The following EPB41L4B variants were observed in gnomAD, a reference collection of about 807,000 sequenced individuals.
EPB41L4B encodes the protein band 4.1-like protein 4B.
In EPB41L4B, 30 loss-of-function variants were observed where a neutral mutation model predicts 112.5. The observed-to-expected ratio is 0.27, with a 90% CI of 0.20 to 0.36. The LOEUF is 0.36. EPB41L4B is among the 10% of genes least tolerant of loss of function. The probability of loss-of-function intolerance (pLI) is 1.00; values close to 1 mark genes in which losing one functional copy is unlikely to be tolerated. For missense variants in EPB41L4B, 1,024 were observed against 1,133.3 expected, an observed-to-expected ratio of 0.90 and a Z score of 1.38; for synonymous variants, 408 against 439.7, an observed-to-expected ratio of 0.93 and a Z score of 0.90.
At chr9:109,249,198 A>G (rs953233045) in intron 13 of EPB41L4B, among the ~76,000 whole-genome samples, 2 of 151,978 alleles carry the variant, frequency 1.3e-5, no homozygotes, top group Non-Finnish European at 2.9e-5. Flanking sequence ...TCATTGTTAT[A>G]AGTCTTGCTT....
chr9:109,310,614 G>A (rs907238196), intron 1 of EPB41L4B, among the ~76,000 whole-genome samples: 3 of 152,312 alleles, frequency 2.0e-5, no homozygotes, highest in South Asian at 2.1e-4. Context: ...ACCCCCAAAC[G>A]AAGCCCAGAC....
intron 1 of EPB41L4B, among the ~76,000 whole-genome samples, chr9:109,303,083 A>T (rs535506063): frequency 5.5e-4 from 80 of 145,646 alleles, no homozygotes; most frequent in African/African-American, 1.8e-3. Flanking sequence ...CCCATCTCTA[A>T]AAAAAAAAAA....
At chr9:109,319,624 C>A (rs1837768773) in intron 1 of EPB41L4B, among the ~76,000 whole-genome samples, 1 of 152,240 alleles carries the variant, frequency 6.6e-6, no homozygotes, top group Non-Finnish European at 1.5e-5. Flanking sequence ...AAACTTGGGG[C>A]GCCTGCCGAG....
At chr9:109,287,542 C>T (rs1236734872) in intron 1 of EPB41L4B, among the ~76,000 whole-genome samples, 1 of 152,220 alleles carries the variant, frequency 6.6e-6, no homozygotes, top group African/African-American at 2.4e-5. Context: ...ATTGCAAAAG[C>T]ACGGTGCCTA....
At chr9:109,247,523 TAAGAAAAACAGGC>T (rs1168361859) in intron 14 of EPB41L4B, among the ~76,000 whole-genome samples, 1 of 152,092 alleles carries the variant, frequency 6.6e-6, no homozygotes, top group Non-Finnish European at 1.5e-5. Flanking sequence ...TTGACAAGGT[TAAGAAAAACAGGC>T]AGTTCAGATG....
chr9:109,246,731 C>T (rs1279156937), intron 14 of EPB41L4B, among the ~76,000 whole-genome samples: 4 of 152,244 alleles, frequency 2.6e-5, no homozygotes, highest in African/African-American at 9.6e-5. Context: ...GTAAACCACA[C>T]CTTCCATGTT....
chr9:109,200,728 A>G (rs1451683983), intron 19 of EPB41L4B, among the ~76,000 whole-genome samples: 6 of 152,194 alleles, frequency 3.9e-5, no homozygotes, highest in African/African-American at 1.4e-4. Context: ...TTTAATTCCA[A>G]GTAATCTGGT....
chr9:109,280,859 A>C (rs1836007173), intron 1 of EPB41L4B, among the ~76,000 whole-genome samples: 1 of 152,162 alleles, frequency 6.6e-6, no homozygotes, highest in Non-Finnish European at 1.5e-5. Context: ...CTTATTATGG[A>C]AACTGGTAAA....
chr9:109,226,740 AAT>A (rs1388882235), intron 15 of EPB41L4B, among the ~76,000 whole-genome samples: 95 of 101,736 alleles, frequency 9.3e-4, no homozygotes, highest in Middle Eastern at 4.6e-3. Flanking sequence ...ATATATGAAG[AAT>A]ATATATATGA....
At chr9:109,236,388 T>C (rs1268926274) in intron 15 of EPB41L4B, among the ~76,000 whole-genome samples, 2 of 151,850 alleles carry the variant, frequency 1.3e-5, no homozygotes, top group East Asian at 1.9e-4. Context: ...TTATGATGTG[T>C]CCATCCATTG....
intron 24 of EPB41L4B, 141 bp from the exon 25 acceptor site, chr9:109,176,837 A>G: frequency 1.1e-6 from 1 of 950,706 alleles, no homozygotes; most frequent in Non-Finnish European, 1.6e-6. Flanking sequence ...AAGTGATTTT[A>G]CTTTGTGCCA....
intron 25 of EPB41L4B, among the ~76,000 whole-genome samples, chr9:109,175,538 T>G (rs1325769809): frequency 6.7e-6 from 1 of 149,498 alleles, no homozygotes. Context: ...CTTTTCATTG[T>G]TTTTAGTTAG....
rs201132051 is a variant in EPB41L4B at position 109,281,683 on chromosome 9, CATAAATAA to C, written c.307-1770_307-1763del. On this transcript the variant is annotated intron_variant, in intron 1 of 25. Coordinates refer to ENST00000374566, the MANE Select transcript of EPB41L4B (RefSeq NM_019114.5). ...TCGGCGGTAGAGCGAGACTCCGTCT[CATAAATAA>C]ATAAATAAATAAATAAATAAATAAA... 9.3e-3 allele frequency among the ~76,000 whole-genome samples: 1,288 copies of C among 138,604 alleles called. 13 individuals are homozygous for C. The highest frequency in any genetic ancestry group is 0.022 in the African/African-American group (794 of 36,134). 90.9% of individuals were successfully genotyped at this position (138,604 alleles called of 152,430 possible). A position where few individuals can be genotyped will look rare whatever the true frequency, so the allele number is the denominator to read the frequency against.
At chr9:109,279,699 A>T in intron 2 of EPB41L4B, 118 bp downstream of exon 2, 1 of 831,656 alleles carries the variant, frequency 1.2e-6, no homozygotes, top group Non-Finnish European at 1.9e-6. Context: ...AATGCCTGTT[A>T]CTGGCACAGT....
At chr9:109,251,438 C>A (rs775682564) in intron 13 of EPB41L4B, 43 bp downstream of exon 13, 2 of 1,584,378 alleles carry the variant, frequency 1.3e-6, no homozygotes, top group East Asian at 2.2e-5. Flanking sequence ...TAAATACGAT[C>A]CTTAGAGAGG....
intron 2 of EPB41L4B, 123 bp downstream of exon 2, chr9:109,279,694 C>T: frequency 2.5e-6 from 2 of 794,782 alleles, no homozygotes; most frequent in East Asian, 2.6e-5. Flanking sequence ...ATCCCAATGC[C>T]TGTTACTGGC....
At chr9:109,200,693 AAG>A (rs939338434) in intron 19 of EPB41L4B, among the ~76,000 whole-genome samples, 1 of 152,230 alleles carries the variant, frequency 6.6e-6, no homozygotes, top group Admixed American at 6.5e-5. Flanking sequence ...CAGTAAAATG[AAG>A]AGAAACCTAT....
At chr9:109,285,929 T>A (rs187736726) in intron 1 of EPB41L4B, among the ~76,000 whole-genome samples, 3 of 152,276 alleles carry the variant, frequency 2.0e-5, no homozygotes, top group African/African-American at 7.2e-5. Context: ...TAAGCAGGTG[T>A]GTGCCTTAAG....
rs377647101 is a variant in EPB41L4B, at chr9:109,256,542, G to A, written c.753-62C>T. The A allele has an allele frequency of 1.2e-3, 1,782 of 1,429,018 alleles. 32 individuals carry two copies. The South Asian group carries it at 0.02, about 16-fold the overall frequency. The allele number at this position is 1,429,018 out of a possible 1,614,324, so 88.5% of individuals were successfully genotyped here. On this transcript the variant is annotated intron_variant, in intron 7 of 25. Coordinates refer to ENST00000374566, the MANE Select transcript of EPB41L4B (RefSeq NM_019114.5). ...CTCGTAAGCCCACAGGATTCTGAAGGGCACGGCCTTACTATGGAACGTTAT... is the reference window on the plus strand; with the variant it reads ...CTCGTAAGCCCACAGGATTCTGAAGAGCACGGCCTTACTATGGAACGTTAT...
Sources: gnomAD v4.1 joint callset for allele counts (sites outside exome capture counted in the v4.1 genomes callset) on GRCh38, gnomAD v4.1.1 for gene constraint, MANE v1.5 for transcripts, NCBI Gene and HGNC (gene_info 2026-07-23, HGNC 2026-07-21) for gene names.